The following MYRIP variants were observed in gnomAD, a reference collection of about 807,000 sequenced individuals.
The protein encoded by MYRIP is myosin VIIA and Rab interacting protein, also known as rab effector MyRIP.
MYRIP carries 49 observed loss-of-function variants against 98.0 expected under a neutral mutation model. The ratio of observed to expected loss-of-function variants is 0.50; its 90% CI spans 0.40 to 0.63. MYRIP has a LOEUF of 0.63. Ranked by LOEUF, MYRIP falls within the 30% of genes least tolerant of loss-of-function variation. The pLI, the probability that MYRIP is intolerant of heterozygous loss-of-function variation, is 0.00. For missense variants in MYRIP, 1,004 were observed against 1,058.2 expected (o/e 0.95, Z 0.71); for synonymous variants, 404 against 409.5 (o/e 0.99, Z 0.16).
At chr3:39,821,250 C>T (rs910407689) in intron 1 of MYRIP, among the ~76,000 whole-genome samples, 3 of 152,128 alleles carry the variant, frequency 2.0e-5, no homozygotes, top group African/African-American at 7.2e-5. Context: ...ACCCAAGTCC[C>T]TTGTACATAG....
chr3:40,006,596 G>A (rs995665732), intron 2 of MYRIP, among the ~76,000 whole-genome samples: 3 of 152,130 alleles, frequency 2.0e-5, no homozygotes, highest in African/African-American at 7.2e-5. Context: ...CATTAACCGA[G>A]CCTCAGATGC....
chr3:39,875,192 T>C (rs1942948780), intron 1 of MYRIP, among the ~76,000 whole-genome samples: 1 of 152,202 alleles, frequency 6.6e-6, no homozygotes, highest in African/African-American at 2.4e-5. Flanking sequence ...GTGATAGGCC[T>C]TTATCATTTT....
chr3:40,251,866 T>C lies in MYRIP; in HGVS notation c.2429-15T>C, dbSNP rs1232009769. On this transcript the variant is annotated splice_polypyrimidine_tract_variant and intron_variant, in intron 15 of 16. Coordinates refer to ENST00000302541, the MANE Select transcript of MYRIP (RefSeq NM_015460.4). ...ATCTTCTGGGTAACATTTTTTCCCA[T>C]TTATTTCCTTTTAGCTGAAAAAATT... 6.4e-7 allele frequency: 1 copy of C among 1,558,698 alleles called. No homozygotes were observed. The highest frequency in any genetic ancestry group is 1.1e-5 in the South Asian group (1 of 89,856).
At chr3:40,136,989 C>A (rs1433230109) in intron 3 of MYRIP, among the ~76,000 whole-genome samples, 1 of 151,980 alleles carries the variant, frequency 6.6e-6, no homozygotes, top group Non-Finnish European at 1.5e-5. Context: ...GAAGCAAGAG[C>A]AAACACATTC....
At chr3:39,913,402 A>G (rs1944073968) in intron 2 of MYRIP, among the ~76,000 whole-genome samples, 1 of 152,194 alleles carries the variant, frequency 6.6e-6, no homozygotes, top group Non-Finnish European at 1.5e-5. Flanking sequence ...GTAATTTAAT[A>G]TCAAAGGAAG....
chr3:39,846,411 A>T lies in MYRIP; in HGVS notation c.-31+36495A>T, dbSNP rs185710110. 1.3e-5 allele frequency among the ~76,000 whole-genome samples: 2 copies of T among 151,988 alleles called. 1 individual carries two copies. Among genetic ancestry groups the T allele is most frequent in the Non-Finnish European group, 2.9e-5 (2 of 67,986 alleles). On this transcript the variant is annotated intron_variant, in intron 1 of 16. Coordinates refer to ENST00000302541, the MANE Select transcript of MYRIP (RefSeq NM_015460.4). ...CTGTCTCCCACCTTTCCTTTTCCCT[A>T]TGAGGGCTGTGAAGGTTGATCATCA...
chr3:39,856,479 C>T (rs1458665949), intron 1 of MYRIP, among the ~76,000 whole-genome samples: 4 of 152,162 alleles, frequency 2.6e-5, no homozygotes, highest in Non-Finnish European at 5.9e-5. Flanking sequence ...CACAGTAGAA[C>T]CAGAAACACC....
At chr3:40,139,070 G>A (rs1949840910) in intron 3 of MYRIP, among the ~76,000 whole-genome samples, 1 of 152,154 alleles carries the variant, frequency 6.6e-6, no homozygotes. Flanking sequence ...AGAACATGCT[G>A]TGTTTAACTT....
intron 3 of MYRIP, among the ~76,000 whole-genome samples, chr3:40,127,043 C>T (rs1231506416): frequency 6.6e-6 from 1 of 152,102 alleles, no homozygotes; most frequent in African/African-American, 2.4e-5. Flanking sequence ...AATTATTGGC[C>T]CTAATGGGTA....
At chr3:40,142,168 T>C (rs975162363) in intron 3 of MYRIP, among the ~76,000 whole-genome samples, 2 of 148,908 alleles carry the variant, frequency 1.3e-5, no homozygotes, top group Admixed American at 1.4e-4. Context: ...TTCTCCTGCC[T>C]CTGCCTCCCA....
At chr3:40,069,276 T>G (rs1948178549) in intron 3 of MYRIP, among the ~76,000 whole-genome samples, 1 of 152,164 alleles carries the variant, frequency 6.6e-6, no homozygotes, top group African/African-American at 2.4e-5. Context: ...CTTTTTATCT[T>G]TACTGTCATT....
intron 11 of MYRIP, among the ~76,000 whole-genome samples, chr3:40,212,241 C>CATATATAT (rs1164328133): frequency 5.5e-5 from 1 of 18,304 alleles, no homozygotes; most frequent in African/African-American, 1.1e-4. Flanking sequence ...CACACACACA[C>CATATATAT]ACACATATAT....
intron 11 of MYRIP, 39 bp downstream of exon 11, chr3:40,210,132 CT>C (rs747931320): frequency 1.2e-6 from 2 of 1,600,852 alleles, no homozygotes; most frequent in Non-Finnish European, 1.7e-6. Flanking sequence ...GCTCAAGCTT[CT>C]GCAGTGGGGT....
chr3:39,903,728 A>C (rs147699557), intron 2 of MYRIP, among the ~76,000 whole-genome samples: 125 of 152,348 alleles, frequency 8.2e-4, no homozygotes, highest in African/African-American at 2.7e-3. Context: ...ACCAGCTTAC[A>C]TGGAGGCATC....
rs557804814 is a variant in MYRIP, at chr3:39,966,134, G to A, written c.110+65208G>A. ...CCCAGCCTGTTCTGTCTTCTCTCTT[G>A]CCTCTCAGAACTAGGCTTTCTGAAG... On this transcript the variant is annotated intron_variant, in intron 2 of 16. Transcript: ENST00000302541. Among the ~76,000 whole-genome samples, 14 of 152,212 alleles carry A rather than the reference G, an allele frequency of 9.2e-5. No homozygotes were observed. The East Asian group carries it at 2.7e-3, about 29-fold the overall frequency.
intron 8 of MYRIP, among the ~76,000 whole-genome samples, chr3:40,181,847 T>C (rs928540671): frequency 1.3e-5 from 2 of 152,214 alleles, no homozygotes; most frequent in Admixed American, 6.5e-5. Context: ...CTCTGGGATC[T>C]CTTCAGGTTT....
intron 1 of MYRIP, among the ~76,000 whole-genome samples, chr3:39,857,639 T>C (rs1221715432): frequency 6.6e-6 from 1 of 152,112 alleles, no homozygotes; most frequent in Non-Finnish European, 1.5e-5. Flanking sequence ...TTTTCAACTC[T>C]GATATAAGAG....
In MYRIP at chr3:40,044,088, G is replaced by T; in HGVS notation, c.149G>T (p.Cys50Phe). The T allele has an allele frequency of 6.2e-7, 1 of 1,614,092 alleles. No individual in the cohort carries two copies. Among genetic ancestry groups the T allele is most frequent in the Non-Finnish European group, 8.5e-7 (1 of 1,179,998 alleles). ...AAGCTGGATGAGGAAGGCAGCAAGTGCAGCATCCTCTCGAAGCACCAGCAG... is the reference window on the plus strand; with the variant it reads ...AAGCTGGATGAGGAAGGCAGCAAGTTCAGCATCCTCTCGAAGCACCAGCAG... Reference protein sequence around the residue: ...KQKLDEEGSKCSILSKHQQFV... With the variant: ...KQKLDEEGSKFSILSKHQQFV... Residue 50 changes from cysteine to phenylalanine, a missense_variant, in exon 3 of 17, where the codon TGC (cysteine) becomes TTC (phenylalanine). Physicochemically the swap from Cys to Phe is radical, Grantham distance 205. Coordinates refer to ENST00000302541, the MANE Select transcript of MYRIP (RefSeq NM_015460.4).
chr3:39,976,092 T>C (rs534998752), intron 2 of MYRIP, among the ~76,000 whole-genome samples: 6 of 152,190 alleles, frequency 3.9e-5, no homozygotes, highest in Admixed American at 3.3e-4. Flanking sequence ...CAAAAGAAAC[T>C]ACCATCAGAG....
Sources: allele counts gnomAD v4.1 joint callset (sites outside exome capture counted in the v4.1 genomes callset), GRCh38; gene constraint gnomAD v4.1.1; transcripts MANE v1.5; gene names NCBI Gene and HGNC (gene_info 2026-07-23, HGNC 2026-07-21).